PCDH15: variants seen among roughly 807,000 people sequenced by gnomAD.
The protein encoded by PCDH15 is protocadherin related 15.
In PCDH15, 129 loss-of-function variants were observed where a neutral mutation model predicts 178.5. That is an observed-to-expected ratio of 0.72 (90% confidence interval 0.63 to 0.84). The LOEUF is 0.84. Among genes scored for constraint, PCDH15 ranks in the 40% least tolerant of loss-of-function variants. The pLI is 0.00. For synonymous variants in PCDH15, 800 were observed against 732.0 expected, an observed-to-expected ratio of 1.09 and a Z score of -1.50; for missense variants, 2,230 against 2,099.9, an observed-to-expected ratio of 1.06 and a Z score of -1.21.
intron 18 of PCDH15, among the ~76,000 whole-genome samples, chr10:54,046,378 T>G (rs2093655714): frequency 6.6e-6 from 1 of 152,168 alleles, no homozygotes; most frequent in South Asian, 2.1e-4. Context: ...ATCCTCAAAC[T>G]GGAGAGCTCT....
chr10:54,442,209 G>T (rs2075829581), intron 3 of PCDH15, among the ~76,000 whole-genome samples: 2 of 150,408 alleles, frequency 1.3e-5, no homozygotes, highest in Admixed American at 1.3e-4. Context: ...GGTATAAAAG[G>T]CCAGGGGTGT....
chr10:54,046,599 T>A (rs2093660149), intron 18 of PCDH15, among the ~76,000 whole-genome samples: 2 of 128,688 alleles, frequency 1.6e-5, no homozygotes, highest in Admixed American at 1.7e-4. Context: ...AATGCTTACT[T>A]AGATGGTAAA....
chr10:54,593,039 T>C (rs2091979190), intron 2 of PCDH15, among the ~76,000 whole-genome samples: 1 of 152,212 alleles, frequency 6.6e-6, no homozygotes, highest in Non-Finnish European at 1.5e-5. Flanking sequence ...AAATTTATTT[T>C]TCTATTGAGT....
intron 2 of PCDH15, among the ~76,000 whole-genome samples, chr10:54,588,001 T>C (rs1170763917): frequency 6.6e-6 from 1 of 152,160 alleles, no homozygotes; most frequent in African/African-American, 2.4e-5. Context: ...TCTAATATTT[T>C]GAAAAGAAAT....
intron 2 of PCDH15, among the ~76,000 whole-genome samples, chr10:55,135,667 C>T (rs1313463592): frequency 1.4e-5 from 2 of 145,092 alleles, no homozygotes; most frequent in African/African-American, 5.2e-5. Flanking sequence ...ATTGCAACCT[C>T]CACCTCCCAG....
chr10:54,152,734 A>G (rs950406220), intron 14 of PCDH15, among the ~76,000 whole-genome samples: 2 of 151,970 alleles, frequency 1.3e-5, no homozygotes, highest in Admixed American at 1.3e-4. Flanking sequence ...GTGTATACAC[A>G]TATTTAAATA....
chr10:54,139,449 T>A (rs956756904), intron 14 of PCDH15, among the ~76,000 whole-genome samples: 3 of 152,174 alleles, frequency 2.0e-5, no homozygotes, highest in Non-Finnish European at 4.4e-5. Flanking sequence ...ACTTTTTGTG[T>A]AATATAAAAT....
chr10:54,721,419 A>G (rs1941577388), intron 1 of PCDH15, among the ~76,000 whole-genome samples: 1 of 152,084 alleles, frequency 6.6e-6, no homozygotes, highest in South Asian at 2.1e-4. Context: ...AATAAATAAC[A>G]AAAAGGACCA....
chr10:54,858,285 C>A (rs1953776361), intron 3 of PCDH15, among the ~76,000 whole-genome samples: 2 of 152,150 alleles, frequency 1.3e-5, no homozygotes, highest in South Asian at 4.1e-4. Context: ...TGTATACATA[C>A]TACGATATCT....
intron 3 of PCDH15, among the ~76,000 whole-genome samples, chr10:54,494,433 C>T (rs2079918827): frequency 6.6e-6 from 1 of 152,068 alleles, no homozygotes; most frequent in Non-Finnish European, 1.5e-5. Flanking sequence ...TTTTTCTCCA[C>T]TGATTAACTG....
chr10:54,376,530 CT>C (rs951098204), intron 4 of PCDH15, among the ~76,000 whole-genome samples: 27 of 150,938 alleles, frequency 1.8e-4, no homozygotes, highest in African/African-American at 6.3e-4. Context: ...TGTGCACTCA[CT>C]TTTTTTAAAA....
chr10:53,899,698 C>T (rs937458102), intron 26 of PCDH15, among the ~76,000 whole-genome samples: 16 of 152,112 alleles, frequency 1.1e-4, no homozygotes, highest in African/African-American at 3.9e-4. Flanking sequence ...TTAAAATCAT[C>T]TTTCCTTCCT....
At chr10:54,962,031 C>A (rs1365700006) in intron 2 of PCDH15, among the ~76,000 whole-genome samples, 2 of 152,238 alleles carry the variant, frequency 1.3e-5, no homozygotes, top group African/African-American at 2.4e-5. Flanking sequence ...CTCAATAAAG[C>A]TCCTCTCCAC....
At chr10:53,983,244 G>A (rs1415175131) in intron 21 of PCDH15, among the ~76,000 whole-genome samples, 6 of 151,556 alleles carry the variant, frequency 4.0e-5, no homozygotes, top group Admixed American at 6.6e-5. Context: ...GTGTGTGTGT[G>A]TGTGTGTATA....
At chr10:54,801,636 C>CCT (rs973232955), upstream of PCDH15, among the ~76,000 whole-genome samples, 3 of 151,490 alleles carry the variant, frequency 2.0e-5, no homozygotes, top group Admixed American at 1.3e-4. Context: ...TCTGTCTCTC[C>CCT]CTCTCTCTCT....
chr10:55,378,406 T>A (rs1202670196), intron 2 of PCDH15, among the ~76,000 whole-genome samples: 6 of 152,110 alleles, frequency 3.9e-5, no homozygotes, highest in Non-Finnish European at 5.9e-5. Flanking sequence ...CTGTTGGAAT[T>A]TGGTGCTATT....
At chr10:53,920,362 G>A (rs958412520) in intron 25 of PCDH15, among the ~76,000 whole-genome samples, 1 of 151,684 alleles carries the variant, frequency 6.6e-6, no homozygotes, top group African/African-American at 2.4e-5. Flanking sequence ...AAAAATAGTG[G>A]ATAAATTATG....
At chr10:55,468,058 C>T (rs1234627243) in intron 2 of PCDH15, among the ~76,000 whole-genome samples, 1 of 147,324 alleles carries the variant, frequency 6.8e-6, no homozygotes, top group Non-Finnish European at 1.5e-5. Flanking sequence ...CTGAGAGAAT[C>T]ATATCCTCAA....
chr10:54,221,155 A>G (rs749955804), intron 9 of PCDH15, among the ~76,000 whole-genome samples: 6 of 152,176 alleles, frequency 3.9e-5, no homozygotes, highest in Non-Finnish European at 7.3e-5. Flanking sequence ...GTTTATTATC[A>G]CAATTATAAA....
Sources: allele counts gnomAD v4.1 joint callset (sites outside exome capture counted in the v4.1 genomes callset), GRCh38; gene constraint gnomAD v4.1.1; transcripts MANE v1.5; gene names NCBI Gene and HGNC (gene_info 2026-07-23, HGNC 2026-07-21).